PSMA1: variants seen among roughly 807,000 people sequenced by gnomAD.
The protein encoded by PSMA1 is proteasome subunit alpha type-1.
PSMA1 carries 3 observed loss-of-function variants against 38.4 expected under a neutral mutation model. The ratio of observed to expected loss-of-function variants is 0.08; its 90% confidence interval spans 0.04 to 0.20. The LOEUF (loss-of-function observed/expected upper bound fraction) is 0.20. Ranked by LOEUF, PSMA1 falls within the 10% of genes least tolerant of loss-of-function variation. The probability of loss-of-function intolerance (pLI) is 1.00; values close to 1 mark genes in which losing one functional copy is unlikely to be tolerated. For missense variants in PSMA1, 227 were observed against 325.3 expected (o/e 0.70, Z 2.32); for synonymous variants, 101 against 107.1 (o/e 0.94, Z 0.35).
At position 14,520,225 on chromosome 11, in the gene PSMA1, G is replaced by T. The variant is rs138166432; in HGVS notation, c.3+72C>A. On this transcript the variant is annotated intron_variant, in intron 1 of 9. Transcript: ENST00000396394. ...CACCGGGCGACGCTAAGGATGACAG[G>T]AGAGGTGGCTCGTCATCCCCCAGTC... The T allele has an allele frequency of 3.1e-4, 496 of 1,605,540 alleles. 1 individual carries two copies. The African/African-American group carries it at 5.6e-3, about 18-fold the overall frequency.
intron 4 of PSMA1, among the ~76,000 whole-genome samples, chr11:14,516,290 G>C (rs1851428165): frequency 6.6e-6 from 1 of 151,744 alleles, no homozygotes; most frequent in Non-Finnish European, 1.5e-5. Context: ...CTGCAACCTT[G>C]AAATCCTAGG....
In PSMA1 at chr11:14,583,467, T is replaced by C. The variant is rs1164158243; in HGVS notation, c.21+27499A>G. The stretch of plus-strand genomic sequence containing the variant: ...CGTTCAGATAGACTCCCCAACACAC[T>C]GCCTCCCATCTGGGCCAGCGCTCAG... On this transcript the variant is annotated intron_variant, in intron 2 of 10. Coordinates refer to the PSMA1 transcript ENST00000418988. Among the ~76,000 whole-genome samples, 3 of 152,326 alleles carry C rather than the reference T, an allele frequency of 2.0e-5. No individual in the cohort carries two copies. The East Asian group carries it at 5.8e-4, about 29-fold the overall frequency.
intron 2 of PSMA1, among the ~76,000 whole-genome samples, chr11:14,553,542 G>C (rs1300909402): frequency 6.6e-6 from 1 of 151,684 alleles, no homozygotes; most frequent in African/African-American, 2.4e-5. Flanking sequence ...ATCATTTTAG[G>C]AATGTTAGAT....
At chr11:14,605,903 T>C (rs1852636918) in intron 2 of PSMA1, among the ~76,000 whole-genome samples, 1 of 152,238 alleles carries the variant, frequency 6.6e-6, no homozygotes, top group African/African-American at 2.4e-5. Context: ...CACTTGTCAA[T>C]GTTTGCTTTT....
intron 2 of PSMA1, among the ~76,000 whole-genome samples, chr11:14,565,183 T>C (rs1192692569): frequency 6.6e-6 from 1 of 152,122 alleles, no homozygotes; most frequent in Non-Finnish European, 1.5e-5. Flanking sequence ...GTGTATAGAG[T>C]TGTTTTTAGT....
At chr11:14,520,243 C>T in intron 1 of PSMA1, 54 bp downstream of exon 1, 2 of 1,612,320 alleles carry the variant, frequency 1.2e-6, no homozygotes, top group Non-Finnish European at 1.7e-6. Flanking sequence ...GCTCGTCATC[C>T]CCCAGTCACC....
chr11:14,541,175 A>G (rs189628354), intron 2 of PSMA1, among the ~76,000 whole-genome samples: 1 of 152,342 alleles, frequency 6.6e-6, no homozygotes, highest in Non-Finnish European at 1.5e-5. Context: ...ACTTTTCCAC[A>G]TTAACATGAG....
Position 14,565,843 on chromosome 11 carries a change from C to G in PSMA1, c.21+45123G>C, listed in dbSNP as rs547597953. ...CTGTGGGGAACTATAGTGTTTATTT[C>G]CACAGTATTTACTGTACGGCATTTA... On this transcript the variant is annotated intron_variant, in intron 2 of 10. Coordinates refer to the PSMA1 transcript ENST00000418988. Among the ~76,000 whole-genome samples, 19 of 152,286 alleles carry G rather than the reference C, an allele frequency of 1.2e-4. No homozygotes were observed. In the South Asian group the frequency reaches 3.9e-3, roughly 32 times the overall value.
intron 4 of PSMA1, among the ~76,000 whole-genome samples, chr11:14,516,742 A>G (rs938736867): frequency 1.3e-5 from 2 of 152,150 alleles, no homozygotes; most frequent in Admixed American, 6.6e-5. Context: ...CCTGGCCAAC[A>G]TGGCGAAACC....
At chr11:14,602,031 T>A (rs1476036566) in intron 2 of PSMA1, among the ~76,000 whole-genome samples, 1 of 152,212 alleles carries the variant, frequency 6.6e-6, no homozygotes, top group African/African-American at 2.4e-5. Context: ...TTCCTCACTA[T>A]AGATTCATGG....
At chr11:14,642,476 C>T (rs1853224056) in intron 1 of PSMA1, among the ~76,000 whole-genome samples, 1 of 152,136 alleles carries the variant, frequency 6.6e-6, no homozygotes, top group Non-Finnish European at 1.5e-5. Flanking sequence ...AATTCTTGTG[C>T]TAATTTCTTA....
chr11:14,569,358 G>A (rs1852111425), intron 2 of PSMA1, among the ~76,000 whole-genome samples: 1 of 152,138 alleles, frequency 6.6e-6, no homozygotes, highest in East Asian at 1.9e-4. Flanking sequence ...ATCCACTGGG[G>A]CTTGTCGGAC....
chr11:14,515,368 G>A (rs950492189), intron 4 of PSMA1, among the ~76,000 whole-genome samples: 2 of 152,028 alleles, frequency 1.3e-5, no homozygotes, highest in Non-Finnish European at 2.9e-5. Context: ...ACCTAAAAAC[G>A]TGCAATAACT....
intron 2 of PSMA1, among the ~76,000 whole-genome samples, chr11:14,580,899 A>C (rs1852274034): frequency 6.6e-6 from 1 of 152,186 alleles, no homozygotes; most frequent in Non-Finnish European, 1.5e-5. Flanking sequence ...CAGCATGGAA[A>C]CTACTGAAGT....
In PSMA1 at chr11:14,631,080, C is replaced by T. The variant is rs904176587; in HGVS notation, c.-166+12375G>A. On this transcript the variant is annotated intron_variant, in intron 1 of 10. Coordinates refer to the PSMA1 transcript ENST00000418988. ...TTTTTTTCTTTATTAGTCTTGCTAG[C>T]GGTCTATGAATTTTGTTGATCCTTT... Among the ~76,000 whole-genome samples, 408 of 151,916 alleles carry T rather than the reference C, an allele frequency of 2.7e-3. 2 individuals are homozygous for T. Among genetic ancestry groups the T allele is most frequent in the African/African-American group, 9.3e-3 (385 of 41,372 alleles).
At chr11:14,577,221 T>C (rs1589997612) in intron 2 of PSMA1, among the ~76,000 whole-genome samples, 1 of 152,296 alleles carries the variant, frequency 6.6e-6, no homozygotes, top group Non-Finnish European at 1.5e-5. Context: ...GAAAGCCCTA[T>C]AAGATAGGTC....
intron 9 of PSMA1, among the ~76,000 whole-genome samples, chr11:14,507,179 T>C (rs1851257389): frequency 6.6e-6 from 1 of 151,958 alleles, no homozygotes; most frequent in Non-Finnish European, 1.5e-5. Flanking sequence ...TGTTTGTTTT[T>C]TTTTTTTGAG....
Position 14,546,692 on chromosome 11 carries a change from T to G in PSMA1, c.22-27651A>C, listed in dbSNP as rs542634122. Among the ~76,000 whole-genome samples the G allele has an allele frequency of 9.2e-5, 14 of 152,214 alleles. No homozygotes were observed. In the East Asian group the frequency reaches 2.7e-3, roughly 29 times the overall value. ...ACCTCACAATCTGCCCACCTTGACC[T>G]CCCAAAGAGCTGGAATTAGAGGTGT... On this transcript the variant is annotated intron_variant, in intron 2 of 10. Transcript: ENST00000418988.
In PSMA1 at chr11:14,538,479, C is replaced by T. The variant is rs78899385; in HGVS notation, c.22-19438G>A. Reference sequence around the variant, plus strand: ...CAAACCCTTCCTGCTGCCTTTTCAGCTGGTCTTGGATGACAGCCCCATGCT... The same window carrying T: ...CAAACCCTTCCTGCTGCCTTTTCAGTTGGTCTTGGATGACAGCCCCATGCT... On this transcript the variant is annotated intron_variant, in intron 2 of 10. Coordinates refer to the PSMA1 transcript ENST00000418988. 2.6e-3 allele frequency among the ~76,000 whole-genome samples: 398 copies of T among 152,350 alleles called. 14 individuals carry two copies. The East Asian group carries it at 0.064, about 24-fold the overall frequency.
Sources: gnomAD v4.1 joint callset for allele counts (sites outside exome capture counted in the v4.1 genomes callset) on GRCh38, gnomAD v4.1.1 for gene constraint, MANE v1.5 for transcripts, NCBI Gene and HGNC (gene_info 2026-07-23, HGNC 2026-07-21) for gene names.